Variants in COL25A1 observed in about 807,000 individuals in gnomAD.
COL25A1 encodes the protein collagen type XXV alpha 1 chain, also known as collagen alpha-1(XXV) chain.
Under a neutral mutation model 128.4 loss-of-function variants are expected in COL25A1, and 103 were observed. The ratio of observed to expected loss-of-function variants is 0.80; its 90% confidence interval spans 0.68 to 0.94. The LOEUF (loss-of-function observed/expected upper bound fraction) is 0.94. COL25A1 is among the 40% of genes least tolerant of loss of function. The pLI is 0.00. For missense variants in COL25A1, 745 were observed against 840.0 expected, an observed-to-expected ratio of 0.89 and a Z score of 1.40; for synonymous variants, 279 against 277.2, an observed-to-expected ratio of 1.01 and a Z score of -0.06.
intron 8 of COL25A1, among the ~76,000 whole-genome samples, chr4:108,955,145 A>G (rs1749919090): frequency 6.6e-6 from 1 of 152,060 alleles, no homozygotes; most frequent in African/African-American, 2.4e-5. Context: ...TGAATTGCTT[A>G]TTTTCACATA....
chr4:109,025,542 A>G (rs1648044), intron 5 of COL25A1, among the ~76,000 whole-genome samples: 77,816 of 152,102 alleles, frequency 0.51, 22,660 homozygotes, highest in African/African-American at 0.78. Context: ...GATGTTTCAC[A>G]TTAATAAATG....
At chr4:109,126,259 C>A (rs747292413) in intron 3 of COL25A1, among the ~76,000 whole-genome samples, 8 of 152,112 alleles carry the variant, frequency 5.3e-5, no homozygotes, top group Non-Finnish European at 1.2e-4. Flanking sequence ...CAAACGTAGT[C>A]ATCAGAGATT....
intron 3 of COL25A1, among the ~76,000 whole-genome samples, chr4:109,157,142 G>A (rs923545456): frequency 6.6e-6 from 1 of 152,162 alleles, no homozygotes; most frequent in African/African-American, 2.4e-5. Context: ...TTCCCAGGAA[G>A]AGCACAGTGA....
intron 9 of COL25A1, among the ~76,000 whole-genome samples, chr4:108,941,109 G>T (rs1748033787): frequency 2.0e-5 from 3 of 152,088 alleles, no homozygotes; most frequent in Admixed American, 1.3e-4. Flanking sequence ...TTAGAAACTG[G>T]ATCTGTTAGT....
chr4:109,065,311 T>C (rs1255364001), intron 3 of COL25A1, among the ~76,000 whole-genome samples: 1 of 152,118 alleles, frequency 6.6e-6, no homozygotes, highest in African/African-American at 2.4e-5. Context: ...GTAGGAACAC[T>C]CCCATTCAGT....
intron 3 of COL25A1, among the ~76,000 whole-genome samples, chr4:109,171,773 G>C (rs540743167): frequency 1.3e-5 from 2 of 152,272 alleles, no homozygotes; most frequent in East Asian, 1.9e-4. Context: ...ACCTTGAAAT[G>C]CATGCAAATA....
chr4:109,003,632 C>T (rs369674990), intron 6 of COL25A1, among the ~76,000 whole-genome samples: 28 of 152,278 alleles, frequency 1.8e-4, no homozygotes, highest in African/African-American at 6.7e-4. Flanking sequence ...GAAACCCAGT[C>T]TCTACTAAAA....
Position 108,825,275 on chromosome 4 carries a change from T to C in COL25A1, c.1765-53A>G, listed in dbSNP as rs757286011. 4.2e-6 allele frequency: 6 copies of C among 1,418,158 alleles called. No homozygotes were observed. The Admixed American group carries it at 8.4e-5, about 20-fold the overall frequency. 87.8% of individuals were successfully genotyped at this position (1,418,158 alleles called of 1,614,324 possible). ...AGTGTTTCTAAGTTTTGTGAATAGA[T>C]TATTGCTTTATTTAAGGCTGTCTGA... On this transcript the variant is annotated intron_variant, in intron 33 of 37. Transcript: ENST00000399132.
intron 3 of COL25A1, among the ~76,000 whole-genome samples, chr4:109,070,171 T>C (rs912687564): frequency 6.6e-6 from 1 of 151,298 alleles, no homozygotes; most frequent in Non-Finnish European, 1.5e-5. Context: ...GGCAGGAGAA[T>C]GGCATGAACC....
intron 3 of COL25A1, among the ~76,000 whole-genome samples, chr4:109,202,182 A>T (rs1184086341): frequency 2.6e-5 from 4 of 152,170 alleles, no homozygotes; most frequent in African/African-American, 9.6e-5. Flanking sequence ...TGAAGAACAA[A>T]ATCAGAGGAC....
chr4:108,838,095 T>C, intron 31 of COL25A1: 2 of 1,545,332 alleles, frequency 1.3e-6, no homozygotes, highest in Non-Finnish European at 1.8e-6. Flanking sequence ...TTTCTTTACT[T>C]ACTGGAAGAC....
intron 3 of COL25A1, among the ~76,000 whole-genome samples, chr4:109,165,693 A>G (rs1773005178): frequency 1.3e-5 from 2 of 152,156 alleles, no homozygotes; most frequent in South Asian, 4.2e-4. Flanking sequence ...CTCCAGCCTG[A>G]GTGACAGAAC....
chr4:109,151,331 G>A (rs1771481259), intron 3 of COL25A1, among the ~76,000 whole-genome samples: 1 of 151,956 alleles, frequency 6.6e-6, no homozygotes, highest in South Asian at 2.1e-4. Flanking sequence ...CTGACCATTT[G>A]GTATCTCTTC....
chr4:109,125,431 AATGAGT>A (rs1768503194), intron 3 of COL25A1, among the ~76,000 whole-genome samples: 1 of 152,122 alleles, frequency 6.6e-6, no homozygotes, highest in African/African-American at 2.4e-5. Context: ...GATTTCTTTC[AATGAGT>A]ATATTTTCAT....
chr4:108,825,120 A>G, intron 34 of COL25A1, 76 bp downstream of exon 34: 1 of 1,186,400 alleles, frequency 8.4e-7, no homozygotes, highest in Non-Finnish European at 1.3e-6. Flanking sequence ...AAAAAGAAGT[A>G]TTCTTTTTGT....
chr4:108,903,557 C>A (rs2125869387), intron 13 of COL25A1, among the ~76,000 whole-genome samples: 1 of 151,986 alleles, frequency 6.6e-6, no homozygotes, highest in South Asian at 2.1e-4. Flanking sequence ...AAATAAATAC[C>A]TCTGTAAATA....
chr4:108,974,542 T>A lies in COL25A1; in HGVS notation c.456A>T (p.Lys152Asn), dbSNP rs550666487. 1 of 1,606,072 alleles carries A rather than the reference T, an allele frequency of 6.2e-7. No individual in the cohort carries two copies. Among genetic ancestry groups the A allele is most frequent in the East Asian group, 2.2e-5 (1 of 44,728 alleles). ...QPGPQGPPGP[K>N]GDKGEQGDQG... ...GTATGCATTTTCTTACCTTATCGCCTTTTGGACCAGGAGGGCCCTGAAAAA... is the reference window on the plus strand; with the variant it reads ...GTATGCATTTTCTTACCTTATCGCCATTTGGACCAGGAGGGCCCTGAAAAA... Residue 152 changes from lysine to asparagine, a missense_variant, in exon 7 of 38, where the codon AAA becomes AAT. Transcript: ENST00000399132.
chr4:109,044,626 G>A lies in COL25A1; in HGVS notation c.420+3542C>T, dbSNP rs80212312. 2.6e-5 allele frequency among the ~76,000 whole-genome samples: 4 copies of A among 152,136 alleles called. No individual in the cohort carries two copies. In the East Asian group the frequency reaches 7.7e-4, roughly 29 times the overall value. ...GAAGCCACAGCACCATGGGAACTGC[G>A]GGCCAGAAGGAAGTTTGAGAAATTT... is the stretch of plus-strand genomic sequence containing the variant. On this transcript the variant is annotated intron_variant, in intron 5 of 37. Coordinates refer to ENST00000399132, the MANE Select transcript of COL25A1 (RefSeq NM_198721.4).
chr4:109,250,309 G>A (rs991451334), intron 3 of COL25A1, among the ~76,000 whole-genome samples: 2 of 145,646 alleles, frequency 1.4e-5, no homozygotes, highest in South Asian at 2.2e-4. Context: ...TCTGGGGGGG[G>A]AGGTAAACTT....
Sources: gnomAD v4.1 joint callset for allele counts (sites outside exome capture counted in the v4.1 genomes callset) on GRCh38, gnomAD v4.1.1 for gene constraint, MANE v1.5 for transcripts, NCBI Gene and HGNC (gene_info 2026-07-23, HGNC 2026-07-21) for gene names.